Variants in TRIP12 observed in about 807,000 individuals in gnomAD.
The protein encoded by TRIP12 is thyroid hormone receptor interactor 12.
A neutral mutation model predicts 244.2 loss-of-function variants in TRIP12; 25 were observed. The observed-to-expected ratio is 0.10, with a 90% CI of 0.07 to 0.14. TRIP12 has a LOEUF of 0.14. TRIP12 is among the 10% of genes least tolerant of loss of function. The probability of loss-of-function intolerance (pLI) is 1.00; values close to 1 mark genes in which losing one functional copy is unlikely to be tolerated. For synonymous variants in TRIP12, 905 were observed against 873.1 expected (o/e 1.04, Z -0.64); for missense variants, 1,677 against 2,486.4 (o/e 0.67, Z 6.92).
At chr2:229,777,177 G>C (rs2036543925) in intron 37 of TRIP12, 138 bp downstream of exon 37, 1 of 958,600 alleles carries the variant, frequency 1.0e-6, no homozygotes, top group Non-Finnish European at 1.5e-6. Flanking sequence ...ATATGTCTTA[G>C]TTAGTACAAT....
rs1359892349 is a variant in TRIP12, at chr2:229,766,195, G to C, written c.*1359C>G. On this transcript the variant is annotated 3_prime_UTR_variant, in exon 42 of 42. Transcript: ENST00000675903. ...AATTTATGCCACAGGCCTAGTTTTG[G>C]ACCTTAGGAAGGAATCTCCTCCCAT... 1 of 151,622 alleles carries C rather than the reference G, an allele frequency of 6.6e-6. No individual in the cohort carries two copies. The highest frequency in any genetic ancestry group is 2.4e-5 in the African/African-American group (1 of 41,282). 9.4% of individuals were successfully genotyped at this position (151,622 alleles called of 1,614,324 possible).
intron 4 of TRIP12, among the ~76,000 whole-genome samples, chr2:229,857,958 C>T (rs1346873566): frequency 6.6e-6 from 1 of 152,158 alleles, no homozygotes; most frequent in African/African-American, 2.4e-5. Context: ...TTAGACAAAA[C>T]TCCTTAAAAG....
intron 15 of TRIP12, 82 bp from the exon 16 acceptor site, chr2:229,808,451 G>C (rs1484182187): frequency 1.2e-6 from 1 of 843,164 alleles, no homozygotes; most frequent in Admixed American, 2.1e-5. Context: ...GCCCAAGGGG[G>C]GAAAATAATC....
chr2:229,831,161 A>T (rs1293913828), intron 6 of TRIP12: 2 of 714,062 alleles, frequency 2.8e-6, no homozygotes, highest in Non-Finnish European at 5.2e-6. Context: ...AAGTCAATAA[A>T]GAACATACTG....
At chr2:229,798,451 A>T (rs965834402) in intron 23 of TRIP12, among the ~76,000 whole-genome samples, 1 of 151,544 alleles carries the variant, frequency 6.6e-6, no homozygotes, top group African/African-American at 2.4e-5. Flanking sequence ...AAATAAAACA[A>T]GTCCCAAGGA....
intron 1 of TRIP12, among the ~76,000 whole-genome samples, chr2:229,890,745 T>G (rs2067148044): frequency 6.6e-6 from 1 of 152,146 alleles, no homozygotes; most frequent in African/African-American, 2.4e-5. Flanking sequence ...TCTCGAATAT[T>G]TTTCAAAAGT....
rs371548778 is a variant in TRIP12 at position 229,778,502 on chromosome 2, G to A, written c.5295C>T (p.Ile1765=). Residue 1765 remains isoleucine (I), a synonymous_variant, in exon 36 of 42, where the codon ATC becomes ATT. Coordinates refer to ENST00000675903, the MANE Select transcript of TRIP12 (RefSeq NM_001348323.3). This position sits in a 1 kb window ranked among gnomAD's most constrained non-coding sequence, Gnocchi z 4.1. The part of the protein sequence containing the change: ...PFGRTAKPAH[I]AKVKMKFRFL... ...AGCGAAACTTCATCTTAACCTTTGCGATATGAGCTGGCTTTGCTGTCCTAC... is the reference window on the plus strand; with the variant it reads ...AGCGAAACTTCATCTTAACCTTTGCAATATGAGCTGGCTTTGCTGTCCTAC... 3.8e-5 allele frequency: 61 copies of A among 1,613,874 alleles called. No individual in the cohort carries two copies. Among genetic ancestry groups the A allele is most frequent in the African/African-American group, 5.3e-5 (4 of 74,886 alleles).
rs1281484734 is a variant in TRIP12 at position 229,765,480 on chromosome 2, G to C, written c.*2074C>G. The C allele has an allele frequency of 6.6e-6, 1 of 152,180 alleles. No individual in the cohort carries two copies. Among genetic ancestry groups the C allele is most frequent in the African/African-American group, 2.4e-5 (1 of 41,452 alleles). 9.4% of individuals were successfully genotyped at this position (152,180 alleles called of 1,614,324 possible). On this transcript the variant is annotated 3_prime_UTR_variant, in exon 42 of 42. Transcript: ENST00000675903. ...TGAGGCTTTTAAACAGGTAACGACT[G>C]ACTTTGAAACACTCAAGACTTTAGA...
chr2:229,859,380 G>A lies in TRIP12; in HGVS notation c.419C>T (p.Thr140Ile), dbSNP rs532583604. The A allele has an allele frequency of 1.9e-6, 3 of 1,614,058 alleles. No individual in the cohort carries two copies. The highest frequency in any genetic ancestry group is 4.5e-5 in the East Asian group (2 of 44,892). Residue 140 changes from threonine to isoleucine, a missense_variant, in exon 4 of 42, where the codon ACT becomes ATT. Physicochemically the swap from Thr to Ile is moderately conservative, Grantham distance 89. Around this residue, in one of 11 missense-constraint regions of TRIP12, gnomAD observed 387 missense variants for 392.6 expected, o/e 0.99. Coordinates refer to ENST00000675903, the MANE Select transcript of TRIP12 (RefSeq NM_001348323.3). ...CTTATTTGTTTCTGAGGGAGATTCA[G>A]TATGCTGAAGTGCTTTTGGTTTTTT... ...SAKKPKALQH[T>I]ESPSETNKPH...
At chr2:229,814,098 A>T in intron 12 of TRIP12, 67 bp from the exon 13 acceptor site, 1 of 1,520,572 alleles carries the variant, frequency 6.6e-7, no homozygotes, top group Non-Finnish European at 8.9e-7. Flanking sequence ...AATTTAACTC[A>T]TAAAAAGTCT....
intron 6 of TRIP12, among the ~76,000 whole-genome samples, chr2:229,833,722 T>G (rs1396984137): frequency 1.3e-5 from 2 of 152,152 alleles, no homozygotes; most frequent in Non-Finnish European, 2.9e-5. Flanking sequence ...TTAGGTTATC[T>G]AAAGTGGGAG....
intron 40 of TRIP12, among the ~76,000 whole-genome samples, 182 bp from the exon 41 acceptor site, chr2:229,768,901 T>C (rs1401815909): frequency 6.6e-6 from 1 of 152,240 alleles, no homozygotes; most frequent in Non-Finnish European, 1.5e-5. Flanking sequence ...AATGGAATGA[T>C]TACAGTTGTA....
intron 2 of TRIP12, among the ~76,000 whole-genome samples, chr2:229,873,399 C>T (rs899440012): frequency 6.6e-6 from 1 of 152,234 alleles, no homozygotes; most frequent in Admixed American, 6.5e-5. Flanking sequence ...ACCTAACTAT[C>T]CAAAAACTGA....
chr2:229,814,967 G>T, intron 11 of TRIP12, 132 bp downstream of exon 11: 1 of 671,026 alleles, frequency 1.5e-6, no homozygotes, highest in Non-Finnish European at 2.5e-6. Flanking sequence ...TCAAACTATT[G>T]ATCTGCTGGA....
chr2:229,783,806 CT>C (rs990812829), intron 34 of TRIP12, among the ~76,000 whole-genome samples: 9 of 134,820 alleles, frequency 6.7e-5, no homozygotes, highest in African/African-American at 2.3e-4. Flanking sequence ...ACCAAACCAT[CT>C]TTTAAAAAAA....
intron 9 of TRIP12, among the ~76,000 whole-genome samples, chr2:229,815,998 A>G (rs2048401507): frequency 6.6e-6 from 1 of 152,206 alleles, no homozygotes; most frequent in Non-Finnish European, 1.5e-5. Flanking sequence ...AAAACTGCTG[A>G]GGATACACAC....
chr2:229,922,455 G>A, upstream of TRIP12: 3 of 1,563,242 alleles, frequency 1.9e-6, no homozygotes, highest in Non-Finnish European at 2.6e-6. Context: ...TTGGCCCCTT[G>A]ACCCCAACCA....
Position 229,830,767 on chromosome 2 carries a change from C to T in TRIP12, c.1343G>A (p.Gly448Glu), listed in dbSNP as rs766208841. The part of the protein sequence containing the change: ...GESESDDSEM[G>E]RLQALLEARG... ...ATAACTGTTTTTACCTTGCAAACGT[C>T]CCATCTCGGAATCATCTGATTCACT... The change falls in exon 7 of 42, where the codon GGA becomes GAA. Residue 448 changes from glycine (G) to glutamate (E), a missense_variant. Gly to Glu is a moderately conservative substitution (Grantham distance 98, BLOSUM62 -2). This residue lies in a region of TRIP12 where 143 missense variants were observed against 215.6 expected (regional missense o/e 0.66). Coordinates refer to ENST00000675903, the MANE Select transcript of TRIP12 (RefSeq NM_001348323.3). 17 of 1,613,896 alleles carry T rather than the reference C, an allele frequency of 1.1e-5. No individual in the cohort carries two copies. The highest frequency in any genetic ancestry group is 1.4e-5 in the Non-Finnish European group (16 of 1,179,958).
intron 4 of TRIP12, among the ~76,000 whole-genome samples, chr2:229,849,194 G>A (rs373729700): frequency 1.3e-5 from 2 of 152,166 alleles, no homozygotes; most frequent in East Asian, 3.8e-4. Context: ...TCATGGGAAA[G>A]TAAGGAAAAC....
Sources: gnomAD v4.1 joint callset for allele counts (sites outside exome capture counted in the v4.1 genomes callset) on GRCh38, gnomAD v4.1.1 for gene constraint, gnomAD v4.1.1 regional missense constraint, Gnocchi (gnomAD v3.1) non-coding constraint, MANE v1.5 for transcripts, NCBI Gene and HGNC (gene_info 2026-07-23, HGNC 2026-07-21) for gene names.